The following ADAMTS12 variants were observed in gnomAD, a reference collection of about 807,000 sequenced individuals.
ADAMTS12 encodes the protein A disintegrin and metalloproteinase with thrombospondin motifs 12.
In ADAMTS12, 118 loss-of-function variants were observed where a neutral mutation model predicts 167.8. The ratio of observed to expected loss-of-function variants is 0.70; its 90% CI spans 0.61 to 0.82. ADAMTS12 has a LOEUF of 0.82. Ranked by LOEUF, ADAMTS12 falls within the 40% of genes least tolerant of loss-of-function variation. ADAMTS12 has a pLI of 0.00. For synonymous variants in ADAMTS12, 704 were observed against 716.9 expected (o/e 0.98, Z 0.29); for missense variants, 1,916 against 1,998.8 (o/e 0.96, Z 0.79).
intron 2 of ADAMTS12, among the ~76,000 whole-genome samples, chr5:33,780,043 T>C (rs1746067766): frequency 6.6e-6 from 1 of 152,208 alleles, no homozygotes; most frequent in Non-Finnish European, 1.5e-5. Flanking sequence ...AGCTTAAATA[T>C]GGTAATCATT....
chr5:33,580,935 T>C (rs58045953), intron 18 of ADAMTS12, among the ~76,000 whole-genome samples: 6,090 of 152,190 alleles, frequency 0.04, 386 homozygotes, highest in African/African-American at 0.13. Flanking sequence ...ACATCTACTT[T>C]CCTTAGCCAG....
chr5:33,586,419 G>C lies in ADAMTS12; in HGVS notation c.2865+2180C>G, dbSNP rs190950195. On this transcript the variant is annotated intron_variant, in intron 18 of 23. Transcript: ENST00000504830. Reference sequence around the variant, plus strand: ...TGGCCCAGCCTTTCTGCTCAGCTCTGTCAAGTGGAAGCTAGAAACTGTCCA... The same window carrying C: ...TGGCCCAGCCTTTCTGCTCAGCTCTCTCAAGTGGAAGCTAGAAACTGTCCA... Among the ~76,000 whole-genome samples the C allele has an allele frequency of 3.7e-4, 56 of 151,692 alleles. No individual in the cohort carries two copies. The East Asian group carries it at 0.01, about 28-fold the overall frequency.
chr5:33,573,087 A>G (rs1412341370), intron 19 of ADAMTS12, among the ~76,000 whole-genome samples: 1 of 152,216 alleles, frequency 6.6e-6, no homozygotes, highest in Non-Finnish European at 1.5e-5. Flanking sequence ...CCACTGCTCA[A>G]TGAAATAAAA....
In ADAMTS12 at chr5:33,546,101, A is replaced by C; in HGVS notation, c.4404T>G (p.Asn1468Lys). The C allele has an allele frequency of 6.2e-7, 1 of 1,613,790 alleles. No homozygotes were observed. The highest frequency in any genetic ancestry group is 8.5e-7 in the Non-Finnish European group (1 of 1,179,946). ...TGGCCCAGTGACAGCACAGGTGCTC[A>C]TTGCAAGACATGGTGGATGTGGGTC... ...TKRPTSTMSC[N>K]EHLCCHWATG... Residue 1468 changes from asparagine (N) to lysine (K), a missense_variant, in exon 22 of 24, where the codon AAT becomes AAG. Transcript: ENST00000504830.
At chr5:33,794,222 G>A (rs1267891997) in intron 2 of ADAMTS12, among the ~76,000 whole-genome samples, 1 of 152,206 alleles carries the variant, frequency 6.6e-6, no homozygotes. Context: ...GCTTGGGAGA[G>A]GAGGGTCTCC....
chr5:33,600,304 C>T (rs200360115), intron 16 of ADAMTS12, among the ~76,000 whole-genome samples: 1 of 152,174 alleles, frequency 6.6e-6, no homozygotes, highest in Admixed American at 6.5e-5. Flanking sequence ...TTTAAAAGAA[C>T]GTCTTCCTGT....
intron 3 of ADAMTS12, among the ~76,000 whole-genome samples, chr5:33,684,823 T>C (rs2112264985): frequency 6.6e-6 from 1 of 152,304 alleles, no homozygotes; most frequent in Non-Finnish European, 1.5e-5. Flanking sequence ...ATAAAGAAAG[T>C]CAGACAGTAG....
intron 3 of ADAMTS12, among the ~76,000 whole-genome samples, chr5:33,703,295 T>C (rs1413195189): frequency 6.6e-6 from 1 of 152,194 alleles, no homozygotes; most frequent in Non-Finnish European, 1.5e-5. Context: ...TACAACTTAA[T>C]GTGTTTAAAG....
intron 5 of ADAMTS12, 125 bp downstream of exon 5, chr5:33,682,893 C>T (rs1339788927): frequency 7.3e-6 from 5 of 685,150 alleles, no homozygotes; most frequent in Middle Eastern, 2.5e-4. Context: ...ATAATATTTT[C>T]CTTCTCGATG....
chr5:33,714,376 T>C (rs1470648441), intron 3 of ADAMTS12, among the ~76,000 whole-genome samples: 15 of 152,158 alleles, frequency 9.9e-5, no homozygotes, highest in Admixed American at 8.5e-4. Context: ...AAAGCCACTA[T>C]GGAAAACAGT....
At chr5:33,797,335 C>T (rs1746816583) in intron 2 of ADAMTS12, among the ~76,000 whole-genome samples, 1 of 152,052 alleles carries the variant, frequency 6.6e-6, no homozygotes, top group Admixed American at 6.5e-5. Flanking sequence ...TAATTAAATG[C>T]TATCTCCTGG....
intron 2 of ADAMTS12, among the ~76,000 whole-genome samples, chr5:33,764,805 AT>A (rs34263528): frequency 0.13 from 18,659 of 148,938 alleles, 1,331 homozygotes; most frequent in Non-Finnish European, 0.15. Context: ...AAATTTGATG[AT>A]TTTTTTTTTT....
chr5:33,646,533 C>A lies in ADAMTS12; in HGVS notation c.1479+2289G>T, dbSNP rs113999519. On this transcript the variant is annotated intron_variant, in intron 9 of 23. Transcript: ENST00000504830. ...AAATGTTACTCCTGAGAGTTGGTAA[C>A]CACACTCGCCCCCATGCTGCTCATG... 9.3e-3 allele frequency among the ~76,000 whole-genome samples: 1,418 copies of A among 152,252 alleles called. 14 individuals are homozygous for A. Among genetic ancestry groups the A allele is most frequent in the Non-Finnish European group, 0.014 (950 of 68,026 alleles).
intron 12 of ADAMTS12, 112 bp from the exon 13 acceptor site, chr5:33,631,025 A>G: frequency 8.0e-7 from 1 of 1,254,762 alleles, no homozygotes; most frequent in Non-Finnish European, 1.1e-6. Context: ...TGGCAATCCC[A>G]CCTTTTCACC....
chr5:33,827,911 C>G (rs999451542), intron 2 of ADAMTS12, among the ~76,000 whole-genome samples: 1 of 152,168 alleles, frequency 6.6e-6, no homozygotes, highest in African/African-American at 2.4e-5. Flanking sequence ...TTCCTTCTAA[C>G]TGCTACAAAA....
Position 33,723,877 on chromosome 5 carries a change from CAT to C in ADAMTS12, c.634+27525_634+27526del, listed in dbSNP as rs138176359. On this transcript the variant is annotated intron_variant, in intron 3 of 23. Coordinates refer to ENST00000504830, the MANE Select transcript of ADAMTS12 (RefSeq NM_030955.4). Reference sequence around the variant, plus strand: ...TATTGCCATAGTACTTTGGAGAACACATGTTTCAGGTGGTAAGGATGGAAGAT... The same window carrying C: ...TATTGCCATAGTACTTTGGAGAACACGTTTCAGGTGGTAAGGATGGAAGAT... Among the ~76,000 whole-genome samples the C allele has an allele frequency of 2.5e-3, 385 of 152,308 alleles. 1 individual carries two copies. The highest frequency in any genetic ancestry group is 8.8e-3 in the African/African-American group (365 of 41,564).
At chr5:33,557,950 T>C (rs957495381) in intron 20 of ADAMTS12, among the ~76,000 whole-genome samples, 5 of 151,996 alleles carry the variant, frequency 3.3e-5, no homozygotes, top group African/African-American at 1.2e-4. Context: ...ACACTTCTTA[T>C]GAAAATCTAG....
chr5:33,573,974 C>T (rs1579687654), intron 19 of ADAMTS12, among the ~76,000 whole-genome samples: 1 of 152,316 alleles, frequency 6.6e-6, no homozygotes. Flanking sequence ...GACATTTATG[C>T]AGCCAAAAGA....
rs1051615337 is a variant in ADAMTS12 at position 33,809,056 on chromosome 5, T to C, written c.490-57508A>G. The stretch of plus-strand genomic sequence containing the variant: ...CCTATGGATTCCATTCTTTTTCTTA[T>C]TGAAGTAATTTTTCCGCAAAGCTCT... On this transcript the variant is annotated intron_variant, in intron 2 of 23. Transcript: ENST00000504830. Among the ~76,000 whole-genome samples the C allele has an allele frequency of 1.4e-4, 21 of 152,342 alleles. No homozygotes were observed. In the Middle Eastern group the frequency reaches 0.01, roughly 74 times the overall value.
Sources: allele counts gnomAD v4.1 joint callset (sites outside exome capture counted in the v4.1 genomes callset), GRCh38; gene constraint gnomAD v4.1.1; transcripts MANE v1.5; gene names NCBI Gene and HGNC (gene_info 2026-07-23, HGNC 2026-07-21).